The following MYO1E variants were observed in gnomAD, a reference collection of about 807,000 sequenced individuals.
The protein encoded by MYO1E is unconventional myosin-Ie.
Under a neutral mutation model 151.1 loss-of-function variants are expected in MYO1E, and 68 were observed. That is an observed-to-expected ratio of 0.45 (90% confidence interval 0.37 to 0.55). MYO1E has a LOEUF of 0.55. Ranked by LOEUF, MYO1E falls within the 20% of genes least tolerant of loss-of-function variation. The probability of loss-of-function intolerance (pLI) is 0.00; values close to 1 mark genes in which losing one functional copy is unlikely to be tolerated. For synonymous variants in MYO1E, 601 were observed against 501.7 expected, an observed-to-expected ratio of 1.20 and a Z score of -2.64; for missense variants, 1,363 against 1,389.3, an observed-to-expected ratio of 0.98 and a Z score of 0.30.
chr15:59,133,666 T>G lies in MYO1E; in HGVS notation c.*3714A>C, dbSNP rs1309275218. ...AGAAAGGCTCCTCTGGTCTTTCTTT[T>G]GATCACAAAAGTGAGGGGTGCCAGA... On this transcript the variant is annotated 3_prime_UTR_variant, in exon 28 of 28. Transcript: ENST00000288235. 5.9e-5 allele frequency: 9 copies of G among 152,186 alleles called. No homozygotes were observed. The highest frequency in any genetic ancestry group is 1.9e-4 in the African/African-American group (8 of 41,428). The allele number at this position is 152,186 out of a possible 1,614,324, so 9.4% of individuals were successfully genotyped here.
At chr15:59,268,431 A>C (rs1025209933) in intron 2 of MYO1E, among the ~76,000 whole-genome samples, 1 of 152,160 alleles carries the variant, frequency 6.6e-6, no homozygotes, top group Non-Finnish European at 1.5e-5. Flanking sequence ...CATTAATTCA[A>C]AGGCGCATAA....
At chr15:59,231,874 T>C (rs2080030565) in intron 5 of MYO1E, 83 bp from the exon 6 acceptor site, 1 of 1,451,932 alleles carries the variant, frequency 6.9e-7, no homozygotes, top group Non-Finnish European at 9.6e-7. Flanking sequence ...AAGGACCTGG[T>C]TTCTGAATGC....
rs140521814 is a variant in MYO1E at position 59,272,347 on chromosome 15, C to A, written c.106G>T (p.Val36Leu). 3.1e-6 allele frequency: 5 copies of A among 1,614,094 alleles called. No individual in the cohort carries two copies. In the South Asian group the frequency reaches 4.4e-5, roughly 14 times the overall value. ...LLSKITENSI[V>L]ENLKKRYMDD... is the part of the protein sequence containing the mutation. ...ATGTATCTCTTCTTCAGATTCTCCA[C>A]GATGGAGTTCTCTGTGATCTTGGAC... Residue 36 changes from valine (V) to leucine (L), a missense_variant, in exon 2 of 28, where the codon GTG becomes TTG. Transcript: ENST00000288235.
At chr15:59,280,030 A>G (rs551110383) in intron 1 of MYO1E, among the ~76,000 whole-genome samples, 12 of 152,362 alleles carry the variant, frequency 7.9e-5, no homozygotes, top group African/African-American at 2.9e-4. Flanking sequence ...AAGCAGAATG[A>G]AATATATAAA....
At chr15:59,282,970 G>A (rs1254908916) in intron 1 of MYO1E, among the ~76,000 whole-genome samples, 1 of 60,084 alleles carries the variant, frequency 1.7e-5, no homozygotes, top group Non-Finnish European at 3.4e-5. Context: ...GAGGGGAAAG[G>A]GGAAAGGGGA....
In MYO1E at chr15:59,138,213, C is replaced by T; in HGVS notation, c.3235G>A (p.Asp1079Asn). 1.2e-6 allele frequency: 2 copies of T among 1,614,178 alleles called. No individual in the cohort carries two copies. The highest frequency in any genetic ancestry group is 2.2e-5 in the South Asian group (2 of 91,076). The change falls in exon 27 of 28, where the codon GAT (aspartate) becomes AAT (asparagine). Residue 1079 changes from aspartate (D) to asparagine (N), a missense_variant. Physicochemically the swap from Asp to Asn is conservative, Grantham distance 23. Coordinates refer to ENST00000288235, the MANE Select transcript of MYO1E (RefSeq NM_004998.4). ...ELSFNANDIIDIIKEDPSGWW... is the reference protein window; with the variant it reads ...ELSFNANDIINIIKEDPSGWW... ...ACACACTTACCTTCTTTGATAATAT[C>T]AATAATGTCATTGGCATTAAAGCTG...
At chr15:59,201,706 CAAACTCTTAATTCAGTGTAATTAAGTGT>C (rs1358135770) in intron 16 of MYO1E, among the ~76,000 whole-genome samples, 18 of 152,294 alleles carry the variant, frequency 1.2e-4, no homozygotes, top group African/African-American at 2.6e-4. Context: ...ACCCAGCCCA[CAAACTCTTAATTCAGTGTAATTAAGTGT>C]AAACTCTTAA....
At chr15:59,366,694 A>T (rs1450641765) in intron 1 of MYO1E, among the ~76,000 whole-genome samples, 1 of 152,116 alleles carries the variant, frequency 6.6e-6, no homozygotes, top group Non-Finnish European at 1.5e-5. Context: ...ACTTCTCTTA[A>T]GTGTGGCTGT....
chr15:59,210,640 T>G (rs763465870), intron 12 of MYO1E, 40 bp from the exon 13 acceptor site: 1 of 1,405,802 alleles, frequency 7.1e-7, no homozygotes. Context: ...ATTTCCCAGA[T>G]AGCAAGAGCT....
chr15:59,149,038 GTTTTTTTTTTTTTGTTTTT>G (rs2079458774), intron 26 of MYO1E, among the ~76,000 whole-genome samples: 1 of 89,558 alleles, frequency 1.1e-5, no homozygotes, highest in South Asian at 3.8e-4. Context: ...TGGATGAACT[GTTTTTTTTTTTTTGTTTTT>G]TTTTTTTTTT....
chr15:59,234,871 G>A (rs1481349597), intron 5 of MYO1E, among the ~76,000 whole-genome samples: 1 of 150,466 alleles, frequency 6.6e-6, no homozygotes, highest in Non-Finnish European at 1.5e-5. Context: ...AATTTTATGT[G>A]TCTTTTGAAA....
chr15:59,297,033 T>C (rs56231025), intron 1 of MYO1E, among the ~76,000 whole-genome samples: 16,894 of 43,368 alleles, frequency 0.39, 4,835 homozygotes, highest in South Asian at 0.66. Flanking sequence ...TTGTGTTTTT[T>C]TGTAGAGACA....
intron 21 of MYO1E, among the ~76,000 whole-genome samples, chr15:59,173,417 A>G (rs1189895642): frequency 6.7e-6 from 1 of 150,158 alleles, no homozygotes; most frequent in Non-Finnish European, 1.5e-5. Context: ...CTGTATTACT[A>G]TCGAAAATTC....
chr15:59,292,413 T>C (rs1024935086), intron 1 of MYO1E, among the ~76,000 whole-genome samples: 15 of 152,218 alleles, frequency 9.9e-5, no homozygotes, highest in African/African-American at 3.4e-4. Flanking sequence ...GTACTACGAC[T>C]GGCAGGCATA....
At chr15:59,198,734 G>A (rs1021163183) in intron 16 of MYO1E, among the ~76,000 whole-genome samples, 8 of 151,926 alleles carry the variant, frequency 5.3e-5, no homozygotes, top group East Asian at 3.9e-4. Context: ...CAGGAGGATC[G>A]CTTGAATCTG....
rs2079929734 is a variant in MYO1E, at chr15:59,217,940, T to G, written c.1058A>C (p.Asp353Ala). 1 of 1,614,022 alleles carries G rather than the reference T, an allele frequency of 6.2e-7. No individual in the cohort carries two copies. Among genetic ancestry groups the G allele is most frequent in the South Asian group, 1.1e-5 (1 of 91,086 alleles). Residue 353 changes from aspartate to alanine, a missense_variant, in exon 10 of 28, where the codon GAT becomes GCT. Physicochemically the swap from Asp to Ala is moderately radical, Grantham distance 126. Transcript: ENST00000288235. ...LNVEQACYTR[D>A]ALAKALHARV... The stretch of plus-strand genomic sequence containing the variant: ...GGCGTGCAGGGCCTTGGCGAGCGCA[T>G]CCCGGGTGTAACAGGCCTGCTCTAC...
intron 1 of MYO1E, among the ~76,000 whole-genome samples, chr15:59,363,396 T>C (rs1596444600): frequency 6.6e-6 from 1 of 152,226 alleles, no homozygotes; most frequent in Non-Finnish European, 1.5e-5. Flanking sequence ...CAGACAATGT[T>C]CTTAAGTCTA....
chr15:59,199,882 A>C (rs2079790493), intron 16 of MYO1E, among the ~76,000 whole-genome samples: 3 of 152,156 alleles, frequency 2.0e-5, no homozygotes, highest in African/African-American at 7.2e-5. Flanking sequence ...TATCTGTAAG[A>C]GGTACTGGGA....
chr15:59,210,529 G>A lies in MYO1E; in HGVS notation c.1347C>T (p.Leu449=). ...GAACACTTACCACTTTGTTCTCTAT[G>A]AGGTCACATACGATTTTATTATTAA... The part of the protein sequence containing the change: ...EYFNNKIVCD[L]IENKVNPPGI... Residue 449 remains leucine, a synonymous_variant, in exon 13 of 28, where the codon CTC becomes CTT. Transcript: ENST00000288235. 3 of 1,595,204 alleles carry A rather than the reference G, an allele frequency of 1.9e-6. No individual in the cohort carries two copies. Among genetic ancestry groups the A allele is most frequent in the South Asian group, 1.1e-5 (1 of 90,682 alleles).
Sources: gnomAD v4.1 joint callset for allele counts (sites outside exome capture counted in the v4.1 genomes callset) on GRCh38, gnomAD v4.1.1 for gene constraint, MANE v1.5 for transcripts, NCBI Gene and HGNC (gene_info 2026-07-23, HGNC 2026-07-21) for gene names.